Variants in PARD3 observed in about 807,000 individuals in gnomAD.
The protein encoded by PARD3 is par-3 family cell polarity regulator.
A neutral mutation model predicts 155.4 loss-of-function variants in PARD3; 75 were observed. The observed-to-expected ratio is 0.48, with a 90% CI of 0.40 to 0.58. The LOEUF (loss-of-function observed/expected upper bound fraction) is 0.58, where lower values mean the gene tolerates loss of function less well. Among genes scored for constraint, PARD3 ranks in the 20% least tolerant of loss-of-function variants. The pLI, the probability that PARD3 is intolerant of heterozygous loss-of-function variation, is 0.00. For synonymous variants in PARD3, 576 were observed against 610.5 expected, an observed-to-expected ratio of 0.94 and a Z score of 0.83; for missense variants, 1,642 against 1,721.7, an observed-to-expected ratio of 0.95 and a Z score of 0.82.
chr10:34,576,497 A>G (rs2086897812), intron 2 of PARD3, among the ~76,000 whole-genome samples: 2 of 152,204 alleles, frequency 1.3e-5, no homozygotes, highest in Admixed American at 6.5e-5. Flanking sequence ...AGATGATCTG[A>G]AAAGAACAGG....
At chr10:34,414,836 A>G (rs1478060367) in intron 5 of PARD3, among the ~76,000 whole-genome samples, 3 of 150,464 alleles carry the variant, frequency 2.0e-5, no homozygotes, top group Admixed American at 6.7e-5. Context: ...AATAAAAAAA[A>G]TTAAAAAGCA....
intron 4 of PARD3, among the ~76,000 whole-genome samples, chr10:34,452,277 T>A (rs10219110): frequency 0.03 from 4,499 of 152,264 alleles, 221 homozygotes; most frequent in African/African-American, 0.1. Context: ...CAGTAGGAAC[T>A]GTATTTCAGA....
intron 3 of PARD3, among the ~76,000 whole-genome samples, chr10:34,472,272 A>C (rs1392015604): frequency 6.6e-6 from 1 of 152,152 alleles, no homozygotes; most frequent in Non-Finnish European, 1.5e-5. Context: ...GTGTCTGTAA[A>C]CATTCATGAC....
intron 22 of PARD3, among the ~76,000 whole-genome samples, chr10:34,235,934 CT>C (rs1173677851): frequency 2.6e-5 from 4 of 152,100 alleles, no homozygotes; most frequent in Admixed American, 1.3e-4. Context: ...TATTCAAACA[CT>C]TTTAAAAGTA....
intron 2 of PARD3, among the ~76,000 whole-genome samples, chr10:34,659,630 T>G (rs2093271691): frequency 6.6e-6 from 1 of 152,224 alleles, no homozygotes; most frequent in South Asian, 2.1e-4. Flanking sequence ...TAGATCACTT[T>G]TTATTTTCCC....
intron 2 of PARD3, among the ~76,000 whole-genome samples, chr10:34,651,373 G>A (rs1312819495): frequency 1.3e-5 from 2 of 152,182 alleles, no homozygotes; most frequent in Non-Finnish European, 2.9e-5. Context: ...GGCTTTCTCT[G>A]TGCAGAGGAA....
chr10:34,633,952 T>G (rs536768566), intron 2 of PARD3, among the ~76,000 whole-genome samples: 1 of 152,172 alleles, frequency 6.6e-6, no homozygotes, highest in South Asian at 2.1e-4. Flanking sequence ...AGAAGGCCAT[T>G]AGCGTCCATT....
chr10:34,649,236 G>C (rs1235875333), intron 2 of PARD3, among the ~76,000 whole-genome samples: 1 of 152,182 alleles, frequency 6.6e-6, no homozygotes, highest in Non-Finnish European at 1.5e-5. Flanking sequence ...TTGAGCTCAG[G>C]AGTTTGAGAT....
At chr10:34,114,256 C>G (rs945032770) in intron 24 of PARD3, among the ~76,000 whole-genome samples, 1 of 152,014 alleles carries the variant, frequency 6.6e-6, no homozygotes, top group Non-Finnish European at 1.5e-5. Context: ...AGTGAGACCT[C>G]ATCTCTAAAA....
chr10:34,282,376 G>A (rs953691507), intron 21 of PARD3, among the ~76,000 whole-genome samples: 1 of 152,098 alleles, frequency 6.6e-6, no homozygotes, highest in South Asian at 2.1e-4. Context: ...TGCATCATTA[G>A]AGGTACAGAG....
intron 22 of PARD3, 92 bp from the exon 23 acceptor site, chr10:34,131,675 T>A (rs1947621249): frequency 3.6e-6 from 4 of 1,109,410 alleles, no homozygotes; most frequent in Non-Finnish European, 5.4e-6. Flanking sequence ...TGCTGTGAAA[T>A]GACGCCATTT....
intron 20 of PARD3, among the ~76,000 whole-genome samples, chr10:34,306,887 A>C (rs1957438246): frequency 6.6e-6 from 1 of 151,938 alleles, no homozygotes; most frequent in Admixed American, 6.5e-5. Context: ...GCTGATTCCA[A>C]AAGTATTTTT....
intron 2 of PARD3, among the ~76,000 whole-genome samples, chr10:34,532,205 CTATA>C (rs1033715508): frequency 6.6e-6 from 1 of 151,844 alleles, no homozygotes; most frequent in African/African-American, 2.4e-5. Context: ...GACAGGGTAT[CTATA>C]TATATATTTT....
chr10:34,520,114 G>C (rs2082052271), intron 2 of PARD3, among the ~76,000 whole-genome samples: 1 of 152,092 alleles, frequency 6.6e-6, no homozygotes, highest in Non-Finnish European at 1.5e-5. Flanking sequence ...AATATGAGTA[G>C]GACTCATAAT....
intron 3 of PARD3, among the ~76,000 whole-genome samples, chr10:34,495,027 C>T (rs879818394): frequency 4.6e-5 from 7 of 152,246 alleles, no homozygotes; most frequent in Middle Eastern, 6.8e-3. Flanking sequence ...CAATTTCCAG[C>T]CCCCCAACCC....
At chr10:34,691,802 T>C (rs2094067472) in intron 2 of PARD3, among the ~76,000 whole-genome samples, 1 of 53,774 alleles carries the variant, frequency 1.9e-5, no homozygotes. Context: ...CCTACAACCA[T>C]CTATCTGATC....
intron 4 of PARD3, among the ~76,000 whole-genome samples, chr10:34,464,206 T>C (rs145026891): frequency 6.6e-6 from 1 of 152,124 alleles, no homozygotes; most frequent in African/African-American, 2.4e-5. Context: ...AAGGAATCTG[T>C]TGGTGTGAGT....
chr10:34,728,910 A>G (rs564004209), intron 1 of PARD3, among the ~76,000 whole-genome samples: 21 of 152,332 alleles, frequency 1.4e-4, no homozygotes, highest in African/African-American at 4.6e-4. Context: ...CAGTGGTCCC[A>G]TAAGATTGTA....
chr10:34,712,196 G>A (rs2094458549), intron 1 of PARD3, among the ~76,000 whole-genome samples: 1 of 152,224 alleles, frequency 6.6e-6, no homozygotes, highest in Non-Finnish European at 1.5e-5. Flanking sequence ...ACAGTGGGTA[G>A]TATTGTTACC....
Sources: gnomAD v4.1 joint callset for allele counts (sites outside exome capture counted in the v4.1 genomes callset) on GRCh38, gnomAD v4.1.1 for gene constraint, MANE v1.5 for transcripts, NCBI Gene and HGNC (gene_info 2026-07-23, HGNC 2026-07-21) for gene names.